TMEM182: variants seen among roughly 807,000 people sequenced by gnomAD.
TMEM182 encodes the protein transmembrane protein 182.
TMEM182 carries 20 observed loss-of-function variants against 26.8 expected under a neutral mutation model. The ratio of observed to expected loss-of-function variants is 0.75; its 90% CI spans 0.53 to 1.09. The LOEUF (loss-of-function observed/expected upper bound fraction) is 1.09. Among genes scored for constraint, TMEM182 ranks in the 50% least tolerant of loss-of-function variants. The pLI is 0.00. For missense variants in TMEM182, 277 were observed against 275.5 expected (o/e 1.01, Z -0.04); for synonymous variants, 109 against 102.2 (o/e 1.07, Z -0.40).
downstream of TMEM182, among the ~76,000 whole-genome samples, chr2:102,822,599 G>A (rs1573574058): frequency 6.6e-6 from 1 of 152,132 alleles, no homozygotes; most frequent in South Asian, 2.1e-4. Context: ...AGGTTGTTGT[G>A]CAACTTCTAA....
chr2:102,784,939 A>G (rs540150340), intron 3 of TMEM182, among the ~76,000 whole-genome samples: 7 of 152,116 alleles, frequency 4.6e-5, no homozygotes, highest in South Asian at 4.1e-4. Context: ...CTGACCTTCT[A>G]TCTTGTCCTG....
chr2:102,802,815 A>G (rs940722379), intron 4 of TMEM182, among the ~76,000 whole-genome samples: 9 of 152,236 alleles, frequency 5.9e-5, no homozygotes, highest in African/African-American at 2.2e-4. Context: ...GGACACTGGC[A>G]TTGGGAGATC....
intron 3 of TMEM182, among the ~76,000 whole-genome samples, chr2:102,772,370 G>A (rs1680714759): frequency 6.6e-6 from 1 of 152,132 alleles, no homozygotes; most frequent in Admixed American, 6.6e-5. Context: ...AGTCAGTCAA[G>A]CACTTGGAAG....
intron 4 of TMEM182, among the ~76,000 whole-genome samples, chr2:102,801,082 G>T (rs1682108708): frequency 6.6e-6 from 1 of 151,862 alleles, no homozygotes; most frequent in East Asian, 1.9e-4. Context: ...GTTGCTTATG[G>T]TAAAGGGCCA....
chr2:102,837,493 G>A (rs969259515), intron 3 of TMEM182, among the ~76,000 whole-genome samples: 1 of 148,448 alleles, frequency 6.7e-6, no homozygotes, highest in South Asian at 2.2e-4. Context: ...GAGGGAATAG[G>A]CCAGCGTGGG....
downstream of TMEM182, among the ~76,000 whole-genome samples, chr2:102,821,880 C>G (rs183096995): frequency 4.0e-5 from 6 of 151,248 alleles, no homozygotes; most frequent in South Asian, 1.3e-3. Context: ...CCCAGCTACT[C>G]GGGAGGCTGA....
At chr2:102,814,478 A>C (rs1682668560) in intron 4 of TMEM182, among the ~76,000 whole-genome samples, 1 of 152,202 alleles carries the variant, frequency 6.6e-6, no homozygotes, top group Non-Finnish European at 1.5e-5. Context: ...ACAAGCACTT[A>C]CTACAGTCCT....
chr2:102,821,849 A>C (rs1333767811), downstream of TMEM182, among the ~76,000 whole-genome samples: 4 of 151,938 alleles, frequency 2.6e-5, no homozygotes, highest in African/African-American at 9.7e-5. Context: ...TTAGCCGGGC[A>C]TGGTGGCAGG....
chr2:102,771,734 C>G (rs1216215510), intron 3 of TMEM182, among the ~76,000 whole-genome samples: 1 of 152,166 alleles, frequency 6.6e-6, no homozygotes, highest in Non-Finnish European at 1.5e-5. Context: ...GAAATCTCCT[C>G]TCACGCTAGG....
At chr2:102,754,469 T>C (rs1464577738) in intron 1 of TMEM182, among the ~76,000 whole-genome samples, 1 of 150,686 alleles carries the variant, frequency 6.6e-6, no homozygotes, top group East Asian at 2.0e-4. Flanking sequence ...TACAACATAC[T>C]ATCCTATGAA....
intron 1 of TMEM182, among the ~76,000 whole-genome samples, chr2:102,747,253 C>T (rs1324670523): frequency 6.6e-6 from 1 of 152,140 alleles, no homozygotes; most frequent in Non-Finnish European, 1.5e-5. Context: ...TCTGCTGGTC[C>T]TTCCTTTCTG....
At chr2:102,755,510 G>C (rs1680006434) in intron 1 of TMEM182, among the ~76,000 whole-genome samples, 1 of 152,192 alleles carries the variant, frequency 6.6e-6, no homozygotes. Context: ...ACTGAGGCCA[G>C]AGAGCACATT....
At chr2:102,764,058 G>A (rs942858299) in intron 2 of TMEM182, among the ~76,000 whole-genome samples, 4 of 152,130 alleles carry the variant, frequency 2.6e-5, no homozygotes, top group African/African-American at 4.8e-5. Flanking sequence ...ACCTTAAATC[G>A]TAAGGTGATA....
chr2:102,823,359 G>A (rs1183737979), intron 3 of TMEM182, among the ~76,000 whole-genome samples: 2 of 151,988 alleles, frequency 1.3e-5, no homozygotes, highest in African/African-American at 2.4e-5. Flanking sequence ...TTTTGATGGA[G>A]TCTCAAACTG....
At chr2:102,811,058 CAAA>C (rs10629082) in intron 4 of TMEM182, among the ~76,000 whole-genome samples, 4 of 94,462 alleles carry the variant, frequency 4.2e-5, no homozygotes, top group Non-Finnish European at 6.0e-5. Context: ...TCCTCTATAG[CAAA>C]AAAAAAAAAA....
At chr2:102,749,914 A>G (rs1219951574) in intron 1 of TMEM182, among the ~76,000 whole-genome samples, 1 of 152,144 alleles carries the variant, frequency 6.6e-6, no homozygotes, top group Non-Finnish European at 1.5e-5. Context: ...GGAATGAAAA[A>G]CATACTTCAA....
intron 3 of TMEM182, among the ~76,000 whole-genome samples, chr2:102,786,209 T>TG (rs1681383703): frequency 7.8e-6 from 1 of 128,214 alleles, no homozygotes; most frequent in African/African-American, 3.0e-5. Flanking sequence ...CTCAGCAATC[T>TG]GTTTTTTTTT....
chr2:102,824,593 G>C (rs1682995285), intron 3 of TMEM182, among the ~76,000 whole-genome samples: 1 of 152,158 alleles, frequency 6.6e-6, no homozygotes, highest in Non-Finnish European at 1.5e-5. Flanking sequence ...GGGAGGCCGA[G>C]GTGGGCAGAT....
At chr2:102,800,047 A>T (rs1440646437) in intron 4 of TMEM182, among the ~76,000 whole-genome samples, 1 of 152,174 alleles carries the variant, frequency 6.6e-6, no homozygotes, top group Non-Finnish European at 1.5e-5. Context: ...TCTGAGAAGA[A>T]CCCTGTTAAA....
Sources: gnomAD v4.1 joint callset for allele counts (sites outside exome capture counted in the v4.1 genomes callset) on GRCh38, gnomAD v4.1.1 for gene constraint, MANE v1.5 for transcripts, NCBI Gene and HGNC (gene_info 2026-07-23, HGNC 2026-07-21) for gene names.